The following DYNLT2B variants were observed in gnomAD, a reference collection of about 807,000 sequenced individuals.
The protein encoded by DYNLT2B is dynein light chain Tctex-type protein 2B.
Under a neutral mutation model 19.5 loss-of-function variants are expected in DYNLT2B, and 14 were observed. That is an observed-to-expected ratio of 0.72 (90% confidence interval 0.47 to 1.12). The LOEUF (loss-of-function observed/expected upper bound fraction) is 1.12. Ranked by LOEUF, DYNLT2B falls within the 50% of genes most tolerant of loss-of-function variation. The probability of loss-of-function intolerance (pLI) is 0.00; values close to 1 mark genes in which losing one functional copy is unlikely to be tolerated. For synonymous variants in DYNLT2B, 70 were observed against 59.7 expected (o/e 1.17, Z -0.79); for missense variants, 133 against 174.7 (o/e 0.76, Z 1.35).
intron 4 of DYNLT2B, 105 bp from the exon 5 acceptor site, chr3:196,291,479 A>AT (rs576817723): frequency 0.014 from 15,719 of 1,146,956 alleles, no homozygotes; most frequent in South Asian, 0.018. Flanking sequence ...GATCTTTCCA[A>AT]TTTTTTTTTT....
At chr3:196,296,269 C>T (rs1577386213) in intron 3 of DYNLT2B, 200 bp from the exon 4 acceptor site, 1 of 517,532 alleles carries the variant, frequency 1.9e-6, no homozygotes, top group Non-Finnish European at 3.5e-6. Context: ...TCAGATGAAG[C>T]TGCTTGCAAC....
At chr3:196,295,447 C>T (rs536675156) in intron 4 of DYNLT2B, among the ~76,000 whole-genome samples, 33 of 152,296 alleles carry the variant, frequency 2.2e-4, no homozygotes, top group Admixed American at 3.9e-4. Flanking sequence ...AGGCATGAGC[C>T]ACCGCGCCTG....
chr3:196,304,429 G>A (rs571983487), intron 3 of DYNLT2B, among the ~76,000 whole-genome samples: 64 of 152,148 alleles, frequency 4.2e-4, no homozygotes, highest in African/African-American at 1.5e-3. Context: ...CACTGCACCT[G>A]GCCAAAAACT....
At chr3:196,317,975 G>A in intron 1 of DYNLT2B, 65 bp downstream of exon 1, 1 of 1,026,838 alleles carries the variant, frequency 9.7e-7, no homozygotes, top group Non-Finnish European at 1.3e-6. Context: ...CCAGGTCCCA[G>A]GCGAGCTCCG....
At chr3:196,291,795 GGAAGACTTTTTCCTTCTTCAA>G (rs1422305548) in intron 4 of DYNLT2B, among the ~76,000 whole-genome samples, 1 of 152,162 alleles carries the variant, frequency 6.6e-6, no homozygotes, top group African/African-American at 2.4e-5. Flanking sequence ...TTTTCAATCA[GGAAGACTTTTTCCTTCTTCAA>G]GAAGTGAAGG....
chr3:196,291,227 T>C lies in DYNLT2B; in HGVS notation c.*100A>G. ...GCCTAAAACACAACAGATTCAGTTG[T>C]CAAACTACTAACATCTTTATTTTGT... On this transcript the variant is annotated 3_prime_UTR_variant, in exon 5 of 5. Coordinates refer to ENST00000325318, the MANE Select transcript of DYNLT2B (RefSeq NM_152773.5). 9.1e-7 allele frequency: 1 copy of C among 1,098,266 alleles called. No individual in the cohort carries two copies. Among genetic ancestry groups the C allele is most frequent in the Non-Finnish European group, 1.3e-6 (1 of 766,112 alleles). 68.0% of individuals were successfully genotyped at this position (1,098,266 alleles called of 1,614,324 possible).
intron 2 of DYNLT2B, among the ~76,000 whole-genome samples, chr3:196,307,484 G>C (rs1490865697): frequency 2.0e-5 from 3 of 151,868 alleles, no homozygotes; most frequent in Non-Finnish European, 2.9e-5. Flanking sequence ...TGTATTTTTA[G>C]TAGAAAAGGT....
At chr3:196,314,346 C>A (rs1028725891) in intron 2 of DYNLT2B, among the ~76,000 whole-genome samples, 2 of 151,618 alleles carry the variant, frequency 1.3e-5, no homozygotes, top group East Asian at 3.9e-4. Flanking sequence ...GCTTGAAATT[C>A]CAACTGCTTG....
chr3:196,316,928 T>TGTGG (rs1560194483), intron 1 of DYNLT2B, among the ~76,000 whole-genome samples: 1 of 95,354 alleles, frequency 1.0e-5, no homozygotes, highest in African/African-American at 4.1e-5. Context: ...TGTGTGTGTG[T>TGTGG]TGTGTGGTGT....
intron 1 of DYNLT2B, among the ~76,000 whole-genome samples, chr3:196,317,051 GGTGTGTGTGTGGTGTGTGT>G (rs1726845286): frequency 1.4e-5 from 1 of 69,922 alleles, no homozygotes; most frequent in Non-Finnish European, 2.9e-5. Context: ...TGTGTTGTGT[GGTGTGTGTGTGGTGTGTGT>G]GTGTGTGTGT....
At chr3:196,309,065 G>A (rs758301160) in intron 2 of DYNLT2B, among the ~76,000 whole-genome samples, 1 of 152,096 alleles carries the variant, frequency 6.6e-6, no homozygotes, top group Non-Finnish European at 1.5e-5. Flanking sequence ...AAAATGAAAT[G>A]CAGCCAAATG....
chr3:196,311,970 C>T (rs1726655780), intron 2 of DYNLT2B, among the ~76,000 whole-genome samples: 1 of 152,194 alleles, frequency 6.6e-6, no homozygotes, highest in South Asian at 2.1e-4. Context: ...TGGCTCACTG[C>T]AACCTCTGCC....
intron 2 of DYNLT2B, among the ~76,000 whole-genome samples, chr3:196,309,601 A>C (rs1343355026): frequency 2.0e-5 from 3 of 152,144 alleles, no homozygotes; most frequent in Non-Finnish European, 4.4e-5. Context: ...GAAGAAAAGA[A>C]AGAAACTTCC....
In DYNLT2B at chr3:196,318,124, G is replaced by A; in HGVS notation, c.29C>T (p.Ser10Leu). The change falls in exon 1 of 5, where the codon TCG becomes TTG. Residue 10 changes from serine to leucine, a missense_variant. Physicochemically the swap from Ser to Leu is moderately radical, Grantham distance 145. Transcript: ENST00000325318. MATSIGVSF[S>L]VGDGVPEAEK... ...AGCCTCAGGCACCCCGTCGCCCACC[G>A]AGAAGGACACTCCGATGGACGTGGC... The A allele has an allele frequency of 1.3e-6, 2 of 1,554,856 alleles. No individual in the cohort carries two copies. The highest frequency in any genetic ancestry group is 1.7e-6 in the Non-Finnish European group (2 of 1,157,378).
intron 2 of DYNLT2B, chr3:196,315,371 T>C: frequency 3.0e-6 from 1 of 331,296 alleles, no homozygotes; most frequent in East Asian, 1.1e-4. Flanking sequence ...CAAGTGATTC[T>C]CCTGCCTCAG....
Position 196,318,029 on chromosome 3 carries a change from C to T in DYNLT2B, c.113+11G>A. 6.7e-7 allele frequency: 1 copy of T among 1,493,574 alleles called. No homozygotes were observed. The highest frequency in any genetic ancestry group is 1.3e-5 in the South Asian group (1 of 77,486). 92.5% of individuals were successfully genotyped at this position (1,493,574 alleles called of 1,614,324 possible). ...TCGAGGTCGCCCCGCCACAGCCCGT[C>T]CTCTACCCGCCTCTGCTGGAAAACA... On this transcript the variant is annotated intron_variant, in intron 1 of 4. Coordinates refer to ENST00000325318, the MANE Select transcript of DYNLT2B (RefSeq NM_152773.5).
At chr3:196,315,265 GCTT>G (rs1344271027) in intron 2 of DYNLT2B, 2 of 388,594 alleles carry the variant, frequency 5.1e-6, no homozygotes, top group African/African-American at 4.6e-5. Context: ...TTTTTATTTT[GCTT>G]TTTTTTTTTT....
At chr3:196,300,469 C>T (rs1342442893) in intron 3 of DYNLT2B, among the ~76,000 whole-genome samples, 1 of 152,158 alleles carries the variant, frequency 6.6e-6, no homozygotes, top group Non-Finnish European at 1.5e-5. Flanking sequence ...GTGGCTCACG[C>T]CCATAATCCC....
intron 3 of DYNLT2B, chr3:196,298,086 C>T: frequency 7.2e-6 from 2 of 276,752 alleles, no homozygotes; most frequent in Non-Finnish European, 1.4e-5. Flanking sequence ...GGCTGTTCTG[C>T]AATGTCTCCT....
Sources: gnomAD v4.1 joint callset for allele counts (sites outside exome capture counted in the v4.1 genomes callset) on GRCh38, gnomAD v4.1.1 for gene constraint, MANE v1.5 for transcripts, NCBI Gene and HGNC (gene_info 2026-07-23, HGNC 2026-07-21) for gene names.